The following SEPTIN9 variants were observed in gnomAD, a reference collection of about 807,000 sequenced individuals.
The protein encoded by SEPTIN9 is septin 9.
In SEPTIN9, 13 loss-of-function variants were observed where a neutral mutation model predicts 56.6. That is an observed-to-expected ratio of 0.23 (90% CI 0.15 to 0.37). The LOEUF is 0.37. Among genes scored for constraint, SEPTIN9 ranks in the 10% least tolerant of loss-of-function variants. The pLI is 1.00. For synonymous variants in SEPTIN9, 332 were observed against 334.1 expected (o/e 0.99, Z 0.07); for missense variants, 650 against 823.1 (o/e 0.79, Z 2.57).
intron 1 of SEPTIN9, among the ~76,000 whole-genome samples, chr17:77,297,679 A>G (rs771500062): frequency 4.6e-5 from 7 of 152,232 alleles, no homozygotes; most frequent in South Asian, 4.1e-4. Flanking sequence ...CACCTGCTGC[A>G]TGCCAGGTGC....
chr17:77,486,872 G>A (rs1420902420), intron 4 of SEPTIN9, among the ~76,000 whole-genome samples: 1 of 152,212 alleles, frequency 6.6e-6, no homozygotes, highest in Non-Finnish European at 1.5e-5. Flanking sequence ...GCTCACACCA[G>A]CTCCACGGGG....
chr17:77,333,136 CTG>C (rs1488002726), intron 2 of SEPTIN9, among the ~76,000 whole-genome samples: 6 of 152,230 alleles, frequency 3.9e-5, no homozygotes, highest in Non-Finnish European at 8.8e-5. Flanking sequence ...TGCTGTCACT[CTG>C]TGAAATCTTA....
At chr17:77,332,648 CTA>C (rs1259193170) in intron 2 of SEPTIN9, among the ~76,000 whole-genome samples, 14 of 152,310 alleles carry the variant, frequency 9.2e-5, no homozygotes, top group African/African-American at 3.1e-4. Context: ...TAGAACATCA[CTA>C]TCACCCCAGT....
At chr17:77,485,092 G>T (rs201507891) in intron 4 of SEPTIN9, among the ~76,000 whole-genome samples, 3 of 26,096 alleles carry the variant, frequency 1.1e-4, no homozygotes, top group Non-Finnish European at 2.7e-4. Context: ...AGGGGTGATG[G>T]TGGTGATTGT....
At chr17:77,413,724 C>A (rs1230617981) in intron 3 of SEPTIN9, among the ~76,000 whole-genome samples, 1 of 152,078 alleles carries the variant, frequency 6.6e-6, no homozygotes, top group Non-Finnish European at 1.5e-5. Context: ...TCCCAGCAGG[C>A]CAAGGGCTTC....
intron 2 of SEPTIN9, among the ~76,000 whole-genome samples, chr17:77,331,409 G>A (rs1243616367): frequency 1.3e-4 from 19 of 151,890 alleles, no homozygotes; most frequent in Non-Finnish European, 4.4e-5. Context: ...AGCGGGGGCG[G>A]TGTCCACTGA....
chr17:77,379,913 A>G (rs1188152185), intron 2 of SEPTIN9, among the ~76,000 whole-genome samples: 1 of 152,144 alleles, frequency 6.6e-6, no homozygotes, highest in Non-Finnish European at 1.5e-5. Flanking sequence ...TTTCTTTCCA[A>G]AGCCCTCTTG....
intron 4 of SEPTIN9, among the ~76,000 whole-genome samples, chr17:77,484,930 G>GT (rs2039660951): frequency 7.3e-6 from 1 of 136,498 alleles, no homozygotes; most frequent in Non-Finnish European, 1.6e-5. Context: ...TGATTGTGAT[G>GT]GTGGTGATGG....
At chr17:77,458,076 G>C (rs529630229) in intron 3 of SEPTIN9, among the ~76,000 whole-genome samples, 2 of 152,052 alleles carry the variant, frequency 1.3e-5, no homozygotes, top group African/African-American at 4.8e-5. Flanking sequence ...ACAGTCCCCA[G>C]CGAGCCCTTC....
chr17:77,312,828 C>A (rs186369457), intron 2 of SEPTIN9, among the ~76,000 whole-genome samples: 6 of 152,268 alleles, frequency 3.9e-5, no homozygotes, highest in African/African-American at 1.4e-4. Context: ...TAACGGGGCA[C>A]ACGCTAGGCA....
chr17:77,361,907 C>T (rs1265219555), intron 2 of SEPTIN9, among the ~76,000 whole-genome samples: 1 of 152,256 alleles, frequency 6.6e-6, no homozygotes, highest in Non-Finnish European at 1.5e-5. Context: ...GCTGGGATTA[C>T]AGGCGTGAGC....
At chr17:77,415,647 A>AGTAAAAAG (rs1555662971) in intron 3 of SEPTIN9, among the ~76,000 whole-genome samples, 1 of 145,670 alleles carries the variant, frequency 6.9e-6, no homozygotes, top group African/African-American at 2.6e-5. Context: ...AAAAAAAAGA[A>AGTAAAAAG]AAAAAAAGAA....
At chr17:77,494,532 TGA>T in intron 10 of SEPTIN9, among the ~76,000 whole-genome samples, 1 of 152,332 alleles carries the variant, frequency 6.6e-6, no homozygotes, top group African/African-American at 2.4e-5. Flanking sequence ...TTTAGTGAGT[TGA>T]GAGACTGTCC....
rs2037979138 is a variant in SEPTIN9 at position 77,451,692 on chromosome 17, G to A, written c.722-30452G>A. On this transcript the variant is annotated intron_variant, in intron 3 of 11. Transcript: ENST00000427177. This position sits in a 1 kb window ranked among gnomAD's most constrained non-coding sequence, Gnocchi z 4.2. ...CGGCAGGACCGAGCGGGGTCCCCAGGAGAGGGGTGGCGGGGAGCTCGATCT... is the reference window on the plus strand; with the variant it reads ...CGGCAGGACCGAGCGGGGTCCCCAGAAGAGGGGTGGCGGGGAGCTCGATCT... Among the ~76,000 whole-genome samples the A allele has an allele frequency of 6.6e-6, 1 of 152,084 alleles. No individual in the cohort carries two copies. Among genetic ancestry groups the A allele is most frequent in the Non-Finnish European group, 1.5e-5 (1 of 67,940 alleles).
intron 2 of SEPTIN9, among the ~76,000 whole-genome samples, chr17:77,381,059 G>C (rs996999390): frequency 1.3e-5 from 2 of 152,202 alleles, no homozygotes; most frequent in Non-Finnish European, 2.9e-5. Context: ...GAACATTCCT[G>C]GCTGTCTCTA....
chr17:77,358,546 C>T (rs551189024), intron 2 of SEPTIN9, among the ~76,000 whole-genome samples: 13 of 152,008 alleles, frequency 8.6e-5, no homozygotes, highest in Non-Finnish European at 1.8e-4. Context: ...TACTGAGGCA[C>T]GAGAATCACT....
intron 3 of SEPTIN9, among the ~76,000 whole-genome samples, chr17:77,439,477 G>A (rs1470774509): frequency 6.6e-6 from 1 of 152,168 alleles, no homozygotes; most frequent in South Asian, 2.1e-4. Flanking sequence ...AGGCATATCC[G>A]GCAGCCCAGG....
At chr17:77,366,627 C>T (rs1486039847) in intron 2 of SEPTIN9, among the ~76,000 whole-genome samples, 1 of 152,170 alleles carries the variant, frequency 6.6e-6, no homozygotes, top group Non-Finnish European at 1.5e-5. Flanking sequence ...CCCTGACCAC[C>T]ACCATCCCTG....
intron 2 of SEPTIN9, among the ~76,000 whole-genome samples, chr17:77,391,680 GT>G (rs1256558438): frequency 6.6e-6 from 1 of 152,198 alleles, no homozygotes; most frequent in Non-Finnish European, 1.5e-5. Context: ...CCCAGAGTTG[GT>G]GCCAATGTCC....
Sources: allele counts gnomAD v4.1 joint callset (sites outside exome capture counted in the v4.1 genomes callset), GRCh38; gene constraint gnomAD v4.1.1; non-coding constraint Gnocchi (gnomAD v3.1); transcripts MANE v1.5; gene names NCBI Gene and HGNC (gene_info 2026-07-23, HGNC 2026-07-21).